The following PDCD4 variants were observed in gnomAD, a reference collection of about 807,000 sequenced individuals.
PDCD4 encodes programmed cell death protein 4.
PDCD4 carries 56 observed loss-of-function variants against 54.0 expected under a neutral mutation model. The ratio of observed to expected loss-of-function variants is 1.04; its 90% CI spans 0.84 to 1.30. The LOEUF is 1.30. Among genes scored for constraint, PDCD4 ranks in the 50% most tolerant of loss-of-function variants. The pLI is 0.00. For missense variants in PDCD4, 584 were observed against 559.8 expected (o/e 1.04, Z -0.44); for synonymous variants, 186 against 194.8 (o/e 0.95, Z 0.37).
At chr10:110,881,006 C>A (rs1022866202) in intron 2 of PDCD4, among the ~76,000 whole-genome samples, 1 of 152,046 alleles carries the variant, frequency 6.6e-6, no homozygotes, top group African/African-American at 2.4e-5. Flanking sequence ...AACAAACATG[C>A]TTTGTTAAAA....
At chr10:110,890,284 T>C (rs1845734826) in intron 7 of PDCD4, among the ~76,000 whole-genome samples, 1 of 152,218 alleles carries the variant, frequency 6.6e-6, no homozygotes, top group Non-Finnish European at 1.5e-5. Context: ...AAGTTAATTA[T>C]ATGTGAAGTG....
intron 6 of PDCD4, 72 bp downstream of exon 6, chr10:110,887,958 C>T (rs910731147): frequency 9.9e-7 from 1 of 1,008,510 alleles, no homozygotes; most frequent in South Asian, 1.6e-5. Context: ...AATGTATACT[C>T]CTAGGAAATT....
chr10:110,885,739 C>T lies in PDCD4; in HGVS notation c.555+373C>T, dbSNP rs184903094. Among the ~76,000 whole-genome samples, 39 of 151,784 alleles carry T rather than the reference C, an allele frequency of 2.6e-4. 1 individual carries two copies. Among genetic ancestry groups the T allele is most frequent in the Admixed American group, 1.2e-3 (18 of 15,272 alleles). ...CTTCAGGGATCTCAGTTAAGAATGC[C>T]TGACATAGTTTCATTTTTTTGACAT... On this transcript the variant is annotated intron_variant, in intron 5 of 11. Coordinates refer to ENST00000280154, the MANE Select transcript of PDCD4 (RefSeq NM_014456.5).
At position 110,881,534 on chromosome 10, in the gene PDCD4, A is replaced by T. The variant is rs1265381193; in HGVS notation, c.345A>T (p.Lys115Asn). Residue 115 changes from lysine to asparagine, a missense_variant and splice_region_variant, in exon 3 of 12, where the codon AAA becomes AAT. Physicochemically the swap from Lys to Asn is moderately conservative, Grantham distance 94. Transcript: ENST00000280154. ...RSGKGRGLPK[K>N]GGAGGKGVWG... ...GGAAAGGAAGGGGACTACCAAAGAA[A>T]GGTTGGTATATATCATGTCCAACAA... 5 of 1,608,340 alleles carry T rather than the reference A, an allele frequency of 3.1e-6. No individual in the cohort carries two copies. The South Asian group carries it at 5.5e-5, about 18-fold the overall frequency.
intron 1 of PDCD4, among the ~76,000 whole-genome samples, chr10:110,874,247 AG>A (rs1845467694): frequency 6.6e-6 from 1 of 152,218 alleles, no homozygotes; most frequent in South Asian, 2.1e-4. Context: ...TGAATTGTAA[AG>A]GGCTTTATGA....
chr10:110,877,146 G>C (rs1845517965), intron 2 of PDCD4, among the ~76,000 whole-genome samples: 1 of 152,216 alleles, frequency 6.6e-6, no homozygotes, highest in African/African-American at 2.4e-5. Context: ...ATAGCTGTAT[G>C]AGTATGCTTT....
At chr10:110,872,146 C>A (rs933162129) in intron 1 of PDCD4, 128 bp downstream of exon 1, 2 of 152,318 alleles carry the variant, frequency 1.3e-5, no homozygotes, top group South Asian at 4.1e-4. Flanking sequence ...CCTGTCAGGT[C>A]CGGGCCTGCG....
At chr10:110,886,567 GA>G (rs1481003047) in intron 5 of PDCD4, among the ~76,000 whole-genome samples, 1 of 152,130 alleles carries the variant, frequency 6.6e-6, no homozygotes, top group Non-Finnish European at 1.5e-5. Context: ...AAGATTCTAA[GA>G]AAACTTTCAT....
chr10:110,895,052 C>T (rs1335017938), intron 10 of PDCD4, among the ~76,000 whole-genome samples: 1 of 151,808 alleles, frequency 6.6e-6, no homozygotes, highest in Non-Finnish European at 1.5e-5. Context: ...GCTATGTAAC[C>T]AGTTTTACTT....
At chr10:110,888,161 A>G (rs1378829772) in intron 6 of PDCD4, among the ~76,000 whole-genome samples, 3 of 149,554 alleles carry the variant, frequency 2.0e-5, no homozygotes, top group Non-Finnish European at 4.4e-5. Context: ...TGCCATATAT[A>G]TAGTCTTTGT....
chr10:110,876,479 A>G (rs1845507602), intron 2 of PDCD4, among the ~76,000 whole-genome samples: 1 of 152,200 alleles, frequency 6.6e-6, no homozygotes, highest in Admixed American at 6.5e-5. Context: ...GAAATTCATT[A>G]CATGTCCTAT....
intron 5 of PDCD4, among the ~76,000 whole-genome samples, chr10:110,887,405 A>G (rs564812430): frequency 2.0e-5 from 3 of 152,300 alleles, no homozygotes; most frequent in African/African-American, 7.2e-5. Flanking sequence ...CCATGACAGT[A>G]TTTTAAAGGT....
chr10:110,893,819 G>A (rs989678834), intron 8 of PDCD4, among the ~76,000 whole-genome samples: 3 of 152,114 alleles, frequency 2.0e-5, no homozygotes, highest in Non-Finnish European at 4.4e-5. Context: ...AACCCAGGAC[G>A]CATGCATTAT....
At chr10:110,896,162 G>C (rs1845829258) in intron 11 of PDCD4, 75 bp downstream of exon 11, 1 of 1,128,142 alleles carries the variant, frequency 8.9e-7, no homozygotes, top group Middle Eastern at 2.1e-4. Context: ...TGCTAAGTTA[G>C]TTTATCGTTC....
chr10:110,896,021 G>A lies in PDCD4; in HGVS notation c.1283G>A (p.Arg428Gln), dbSNP rs754874118. ...CCACATTCATACTCTGTGCTGGAGC[G>A]GTTTGTAGAAGAATGTTTTCAGGCT... ...DVPHSYSVLE[R>Q]FVEECFQAGI... The change falls in exon 11 of 12, where the codon CGG becomes CAG. Residue 428 changes from arginine to glutamine, a missense_variant. By Grantham distance (43) the Arg-to-Gln change is conservative. Coordinates refer to ENST00000280154, the MANE Select transcript of PDCD4 (RefSeq NM_014456.5). 41 of 1,609,520 alleles carry A rather than the reference G, an allele frequency of 2.5e-5. No homozygotes were observed. Among genetic ancestry groups the A allele is most frequent in the East Asian group, 1.6e-4 (7 of 44,742 alleles).
At chr10:110,875,564 C>T (rs1845490298) in intron 1 of PDCD4, among the ~76,000 whole-genome samples, 1 of 152,092 alleles carries the variant, frequency 6.6e-6, no homozygotes, top group African/African-American at 2.4e-5. Flanking sequence ...TCTCATAATT[C>T]ATTGGTAGGG....
rs537109720 is a variant in PDCD4, at chr10:110,878,772, GTTTC to G, written c.44-2455_44-2452del. Among the ~76,000 whole-genome samples the G allele has an allele frequency of 2.8e-3, 424 of 152,256 alleles. 3 individuals are homozygous for G. Among genetic ancestry groups the G allele is most frequent in the African/African-American group, 9.8e-3 (407 of 41,552 alleles). On this transcript the variant is annotated intron_variant, in intron 2 of 11. Transcript: ENST00000280154. ...TCCTTCTGTAAAATGAGGATAAACA[GTTTC>G]TTTCTAGAGCTCTTGAAGCTTATAG...
At position 110,881,537 on chromosome 10, in the gene PDCD4, T is replaced by C; in HGVS notation, c.346+2T>C. 2 of 1,607,590 alleles carry C rather than the reference T, an allele frequency of 1.2e-6. No homozygotes were observed. Among genetic ancestry groups the C allele is most frequent in the East Asian group, 2.2e-5 (1 of 44,700 alleles). On this transcript the variant is annotated splice_donor_variant, in intron 3 of 11. Coordinates refer to ENST00000280154, the MANE Select transcript of PDCD4 (RefSeq NM_014456.5). LOFTEE classifies it high-confidence loss of function. ...AAGGAAGGGGACTACCAAAGAAAGG[T>C]TGGTATATATCATGTCCAACAAATG...
intron 1 of PDCD4, among the ~76,000 whole-genome samples, chr10:110,873,793 C>T (rs1399084996): frequency 6.6e-6 from 1 of 152,122 alleles, no homozygotes; most frequent in Non-Finnish European, 1.5e-5. Flanking sequence ...ACTTGAGTTC[C>T]TGATCGGGTT....
Sources: gnomAD v4.1 joint callset for allele counts (sites outside exome capture counted in the v4.1 genomes callset) on GRCh38, gnomAD v4.1.1 for gene constraint, MANE v1.5 for transcripts, NCBI Gene and HGNC (gene_info 2026-07-23, HGNC 2026-07-21) for gene names.